Variants in STIMATE observed in about 807,000 individuals in gnomAD.
The protein encoded by STIMATE is STIM activating enhancer, also known as store-operated calcium entry regulator STIMATE.
A neutral mutation model predicts 36.7 loss-of-function variants in STIMATE; 15 were observed. That is an observed-to-expected ratio of 0.41 (90% CI 0.27 to 0.63). The LOEUF (loss-of-function observed/expected upper bound fraction) is 0.63, where lower values mean the gene tolerates loss of function less well. STIMATE is among the 20% of genes least tolerant of loss of function. STIMATE has a pLI of 0.32. For synonymous variants in STIMATE, 163 were observed against 162.3 expected (o/e 1.00, Z -0.03); for missense variants, 305 against 397.3 (o/e 0.77, Z 1.98).
chr3:52,854,155 C>A (rs1250976317), intron 2 of STIMATE, among the ~76,000 whole-genome samples: 1 of 152,192 alleles, frequency 6.6e-6, no homozygotes, highest in Non-Finnish European at 1.5e-5. Context: ...CTGAGTAACA[C>A]AGGTGCTAAG....
chr3:52,869,365 CA>C (rs1364324397), intron 1 of STIMATE, among the ~76,000 whole-genome samples: 1 of 152,108 alleles, frequency 6.6e-6, no homozygotes, highest in East Asian at 1.9e-4. Context: ...TGTAAGTTGG[CA>C]AAAAAGGGCC....
chr3:52,840,611 C>CTGAG lies in STIMATE; in HGVS notation c.769-5_769-2dup. The CTGAG allele has an allele frequency of 6.2e-7, 1 of 1,612,994 alleles. No individual in the cohort carries two copies. On this transcript the variant is annotated splice_acceptor_variant, in intron 7 of 7. Transcript: ENST00000355083. LOFTEE classifies it high-confidence loss of function. The stretch of plus-strand genomic sequence containing the variant: ...TCTCATCATCCGCTGAGATCAGGAT[C>CTGAG]TGAGGCAGTAGAGAGGCAGGGCCTG...
chr3:52,852,323 TA>T (rs751733556), intron 3 of STIMATE, among the ~76,000 whole-genome samples: 5 of 151,950 alleles, frequency 3.3e-5, no homozygotes, highest in Non-Finnish European at 5.9e-5. Context: ...CTGGGAGACA[TA>T]AGGACACTAG....
At chr3:52,852,515 G>A in intron 3 of STIMATE, 88 bp downstream of exon 3, 1 of 1,535,518 alleles carries the variant, frequency 6.5e-7, no homozygotes, top group South Asian at 1.2e-5. Flanking sequence ...CAAGCCAGAG[G>A]GAGCAGGACC....
At chr3:52,861,983 C>T (rs904104267) in intron 1 of STIMATE, among the ~76,000 whole-genome samples, 8 of 152,190 alleles carry the variant, frequency 5.3e-5, no homozygotes, top group Non-Finnish European at 1.2e-4. Flanking sequence ...GTTCCCCTCT[C>T]AGGGCTCCTA....
chr3:52,852,753 T>C (rs573877895), intron 2 of STIMATE, 55 bp from the exon 3 acceptor site: 1 of 1,597,756 alleles, frequency 6.3e-7, no homozygotes, highest in African/African-American at 1.3e-5. Context: ...CAATATCCAA[T>C]TTGAGGAAAA....
rs1701580442 is a variant in STIMATE, at chr3:52,880,261, T to C, written c.160+17030A>G. ...AGCACGCATCCTTCTGACGTGCTCT[T>C]CACCAAGCCACCTGCAGGAGACTTA... On this transcript the variant is annotated intron_variant, in intron 1 of 7. Coordinates refer to ENST00000355083, the MANE Select transcript of STIMATE (RefSeq NM_198563.5). Among the ~76,000 whole-genome samples, 3 of 152,182 alleles carry C rather than the reference T, an allele frequency of 2.0e-5. No individual in the cohort carries two copies. In the South Asian group the frequency reaches 6.2e-4, roughly 32 times the overall value.
At chr3:52,857,613 C>T (rs1701127949) in intron 1 of STIMATE, among the ~76,000 whole-genome samples, 1 of 152,056 alleles carries the variant, frequency 6.6e-6, no homozygotes, top group African/African-American at 2.4e-5. Context: ...GCTGAAGTAA[C>T]AGAGTGGCTG....
chr3:52,854,271 A>C (rs574853396), intron 2 of STIMATE, among the ~76,000 whole-genome samples: 1 of 152,290 alleles, frequency 6.6e-6, no homozygotes, highest in Non-Finnish European at 1.5e-5. Flanking sequence ...TAATGAAGGA[A>C]GTCTTAGTGG....
At chr3:52,847,218 T>C in intron 4 of STIMATE, 2 of 1,130,876 alleles carry the variant, frequency 1.8e-6, no homozygotes, top group South Asian at 4.0e-5. Flanking sequence ...GGACCTTGTG[T>C]GTCTTGCTTT....
At chr3:52,852,898 A>T (rs4687675) in intron 2 of STIMATE, among the ~76,000 whole-genome samples, 200 bp from the exon 3 acceptor site, 135,513 of 152,216 alleles carry the variant, frequency 0.89, 62,217 homozygotes, top group Non-Finnish European at 1. Context: ...GCCTTTGAAA[A>T]CCCTAAAAGG....
chr3:52,853,388 T>C (rs1033611125), intron 2 of STIMATE, among the ~76,000 whole-genome samples: 7 of 152,158 alleles, frequency 4.6e-5, no homozygotes, highest in South Asian at 2.1e-4. Context: ...CCCCGACCCA[T>C]GTGACAGGAG....
rs532891633 is a variant in STIMATE, at chr3:52,840,470, C to T, written c.*24G>A. 5.6e-6 allele frequency: 9 copies of T among 1,611,280 alleles called. No individual in the cohort carries two copies. Among genetic ancestry groups the T allele is most frequent in the East Asian group, 2.2e-5 (1 of 44,824 alleles). ...ACACCAGCGGCTGGCGGGGCCCTCC[C>T]GTCACCCCCAGCATGGGAATGTGTC... On this transcript the variant is annotated 3_prime_UTR_variant, in exon 8 of 8. Coordinates refer to ENST00000355083, the MANE Select transcript of STIMATE (RefSeq NM_198563.5).
chr3:52,861,028 C>A (rs1209274726), intron 1 of STIMATE, among the ~76,000 whole-genome samples: 1 of 152,218 alleles, frequency 6.6e-6, no homozygotes, highest in Non-Finnish European at 1.5e-5. Context: ...ACAGACCTTT[C>A]TTCATTAGTG....
chr3:52,895,392 T>A (rs1701849288), intron 1 of STIMATE, among the ~76,000 whole-genome samples: 1 of 152,108 alleles, frequency 6.6e-6, no homozygotes, highest in Admixed American at 6.5e-5. Context: ...CAGACATAGC[T>A]CTAGCCTTTC....
chr3:52,861,689 C>T (rs1451868405), intron 1 of STIMATE, among the ~76,000 whole-genome samples: 2 of 152,196 alleles, frequency 1.3e-5, no homozygotes, highest in South Asian at 2.1e-4. Flanking sequence ...CCTGTCTTCC[C>T]TTTCCTCTGT....
At chr3:52,877,003 C>T (rs1701512082) in intron 1 of STIMATE, among the ~76,000 whole-genome samples, 1 of 152,188 alleles carries the variant, frequency 6.6e-6, no homozygotes, top group Non-Finnish European at 1.5e-5. Context: ...TCCAAAATTT[C>T]AAGGCTTGTG....
chr3:52,861,425 A>G (rs1215042354), intron 1 of STIMATE, among the ~76,000 whole-genome samples: 9 of 152,204 alleles, frequency 5.9e-5, no homozygotes, highest in Non-Finnish European at 1.3e-4. Flanking sequence ...GAAGACAGGC[A>G]TGGGTCTCAT....
chr3:52,847,342 G>A, intron 4 of STIMATE: 1 of 1,216,126 alleles, frequency 8.2e-7, no homozygotes, highest in East Asian at 5.7e-5. Context: ...GTGGCGAGAG[G>A]CTTTCAAAAG....
Sources: allele counts gnomAD v4.1 joint callset (sites outside exome capture counted in the v4.1 genomes callset), GRCh38; gene constraint gnomAD v4.1.1; transcripts MANE v1.5; gene names NCBI Gene and HGNC (gene_info 2026-07-23, HGNC 2026-07-21).